The following MYO16 variants were observed in gnomAD, a reference collection of about 807,000 sequenced individuals.
MYO16 encodes the protein myosin XVI.
A neutral mutation model predicts 205.3 loss-of-function variants in MYO16; 94 were observed. The observed-to-expected ratio is 0.46, with a 90% CI of 0.39 to 0.54. The LOEUF (loss-of-function observed/expected upper bound fraction) is 0.54. Among genes scored for constraint, MYO16 ranks in the 20% least tolerant of loss-of-function variants. The pLI, the probability that MYO16 is intolerant of heterozygous loss-of-function variation, is 0.00. For synonymous variants in MYO16, 988 were observed against 954.0 expected (o/e 1.04, Z -0.66); for missense variants, 2,315 against 2,387.5 (o/e 0.97, Z 0.63).
At chr13:108,776,618 A>T (rs947072390) in intron 4 of MYO16, among the ~76,000 whole-genome samples, 3 of 152,202 alleles carry the variant, frequency 2.0e-5, no homozygotes, top group Non-Finnish European at 2.9e-5. Context: ...GGCACCTACA[A>T]TGCCCTCCTG....
chr13:109,083,383 CAAAAAAAAAAAAAAAAAAAA>C (rs71125367), intron 27 of MYO16, among the ~76,000 whole-genome samples: 5 of 52,320 alleles, frequency 9.6e-5, no homozygotes, highest in South Asian at 9.4e-4. Context: ...AACTCCGTCT[CAAAAAAAAAAAAAAAAAAAA>C]AAAAAAAAAA....
chr13:108,728,439 TTACC>T (rs1884414415), intron 4 of MYO16, among the ~76,000 whole-genome samples: 1 of 50,256 alleles, frequency 2.0e-5, no homozygotes, highest in Non-Finnish European at 7.0e-5. Context: ...GCCATACCAA[TTACC>T]GCCTAGTTGG....
At chr13:108,754,641 T>C (rs1293036285) in intron 4 of MYO16, among the ~76,000 whole-genome samples, 1 of 152,214 alleles carries the variant, frequency 6.6e-6, no homozygotes, top group Non-Finnish European at 1.5e-5. Context: ...TCTAGAGTTG[T>C]ATACTCCTTA....
chr13:109,196,298 T>C (rs1594178271), intron 34 of MYO16, among the ~76,000 whole-genome samples: 1 of 152,294 alleles, frequency 6.6e-6, no homozygotes, highest in South Asian at 2.1e-4. Context: ...CCGTACTGAG[T>C]TGTCGAGTTA....
chr13:109,136,937 A>G (rs972514658), intron 31 of MYO16, among the ~76,000 whole-genome samples: 1 of 152,220 alleles, frequency 6.6e-6, no homozygotes, highest in South Asian at 2.1e-4. Context: ...TTAAGACACC[A>G]AAGAAAAGGT....
At chr13:109,176,740 C>T (rs967159791) in intron 33 of MYO16, among the ~76,000 whole-genome samples, 7 of 151,760 alleles carry the variant, frequency 4.6e-5, no homozygotes, top group South Asian at 2.1e-4. Flanking sequence ...TCTGACTTCT[C>T]GGGCCCAGTC....
rs1317454160 is a variant in MYO16, at chr13:108,869,731, T to TTAAAA, written c.1425+3489_1425+3490insTAAAA. ...GGGCGACAGAGCGAGACTCCGTTTC[T>TTAAAA]AAAAAAAAAAAAAAAAAAAAAAAAA... On this transcript the variant is annotated intron_variant, in intron 12 of 34. Transcript: ENST00000457511. Among the ~76,000 whole-genome samples the TTAAAA allele has an allele frequency of 1.3e-3, 84 of 67,026 alleles. 2 individuals carry two copies. Among genetic ancestry groups the TTAAAA allele is most frequent in the African/African-American group, 5.7e-3 (82 of 14,394 alleles). 44.0% of individuals were successfully genotyped at this position (67,026 alleles called of 152,430 possible).
At chr13:109,203,443 A>G (rs1183280651) in intron 34 of MYO16, among the ~76,000 whole-genome samples, 1 of 150,298 alleles carries the variant, frequency 6.7e-6, no homozygotes, top group Admixed American at 6.6e-5. Context: ...TTTTTCTCTC[A>G]GTAATTTAAC....
chr13:108,628,679 T>C (rs989315605), upstream of MYO16, among the ~76,000 whole-genome samples: 32 of 152,186 alleles, frequency 2.1e-4, no homozygotes, highest in African/African-American at 7.5e-4. Flanking sequence ...TTGTATAGAT[T>C]TGAATTTCAT....
At chr13:109,204,142 T>C (rs2139978136) in intron 34 of MYO16, among the ~76,000 whole-genome samples, 1 of 152,332 alleles carries the variant, frequency 6.6e-6, no homozygotes, top group East Asian at 1.9e-4. Flanking sequence ...GACTCTTTTT[T>C]GAAATTTTTA....
intron 16 of MYO16, among the ~76,000 whole-genome samples, chr13:108,953,846 A>G (rs981244369): frequency 6.6e-6 from 1 of 152,204 alleles, no homozygotes; most frequent in Non-Finnish European, 1.5e-5. Context: ...AAGTTTAAGC[A>G]TTGTATAAAA....
chr13:108,706,047 G>C (rs1883495952), intron 2 of MYO16, among the ~76,000 whole-genome samples: 1 of 152,072 alleles, frequency 6.6e-6, no homozygotes, highest in African/African-American at 2.4e-5. Flanking sequence ...AAGATCAAGA[G>C]AAACCATAGT....
intron 14 of MYO16, 86 bp downstream of exon 14, chr13:108,888,563 T>C: frequency 1.1e-6 from 1 of 885,198 alleles, no homozygotes; most frequent in Non-Finnish European, 1.7e-6. Context: ...GACATCATAA[T>C]AGATACAAGG....
chr13:109,011,468 T>C (rs1436388000), intron 22 of MYO16, among the ~76,000 whole-genome samples: 1 of 149,682 alleles, frequency 6.7e-6, no homozygotes, highest in Non-Finnish European at 1.5e-5. Context: ...GATTTTATTT[T>C]TCTTTTTGCT....
At chr13:108,685,680 T>C (rs1882649868) in intron 2 of MYO16, among the ~76,000 whole-genome samples, 1 of 152,174 alleles carries the variant, frequency 6.6e-6, no homozygotes, top group Admixed American at 6.5e-5. Flanking sequence ...TATCACAAAA[T>C]ACCACAGCCT....
chr13:108,969,161 G>A (rs1883914006), intron 20 of MYO16, among the ~76,000 whole-genome samples: 1 of 152,028 alleles, frequency 6.6e-6, no homozygotes, highest in Non-Finnish European at 1.5e-5. Flanking sequence ...CTGGCCACTA[G>A]GCATATGGAA....
At chr13:109,156,962 C>T (rs1161972745) in intron 32 of MYO16, among the ~76,000 whole-genome samples, 2 of 152,194 alleles carry the variant, frequency 1.3e-5, no homozygotes, top group African/African-American at 4.8e-5. Flanking sequence ...AAAATTGCCA[C>T]TCAATTTAAT....
At chr13:109,114,427 T>C (rs1323133489) in intron 28 of MYO16, among the ~76,000 whole-genome samples, 1 of 152,220 alleles carries the variant, frequency 6.6e-6, no homozygotes, top group Non-Finnish European at 1.5e-5. Context: ...ATTCATCTTA[T>C]CTCTGGCACT....
intron 2 of MYO16, among the ~76,000 whole-genome samples, chr13:108,708,477 A>C (rs2139538170): frequency 6.6e-6 from 1 of 152,336 alleles, no homozygotes; most frequent in African/African-American, 2.4e-5. Context: ...ACTTACAGAA[A>C]ACTTTCCCAG....
Sources: gnomAD v4.1 joint callset for allele counts (sites outside exome capture counted in the v4.1 genomes callset) on GRCh38, gnomAD v4.1.1 for gene constraint, MANE v1.5 for transcripts, NCBI Gene and HGNC (gene_info 2026-07-23, HGNC 2026-07-21) for gene names.